Variants in SYT10 observed in about 807,000 individuals in gnomAD.
The protein encoded by SYT10 is synaptotagmin-10.
A neutral mutation model predicts 51.1 loss-of-function variants in SYT10; 31 were observed. That is an observed-to-expected ratio of 0.61 (90% CI 0.46 to 0.82). The LOEUF (loss-of-function observed/expected upper bound fraction) is 0.82, where lower values mean the gene tolerates loss of function less well. SYT10 is among the 40% of genes least tolerant of loss of function. SYT10 has a pLI of 0.00. For missense variants in SYT10, 603 were observed against 634.0 expected, an observed-to-expected ratio of 0.95 and a Z score of 0.53; for synonymous variants, 233 against 225.9, an observed-to-expected ratio of 1.03 and a Z score of -0.28.
rs1866429208 is a variant in SYT10, at chr12:33,413,810, C to T, written c.510-6454G>A. The stretch of plus-strand genomic sequence containing the variant: ...AAATAACCAGCTAACATCATAATGA[C>T]AGGATCAAATTCACACATAACAATA... On this transcript the variant is annotated intron_variant, in intron 2 of 6. Transcript: ENST00000228567. 2.0e-5 allele frequency among the ~76,000 whole-genome samples: 3 copies of T among 152,170 alleles called. No individual in the cohort carries two copies. The South Asian group carries it at 6.2e-4, about 31-fold the overall frequency.
chr12:33,391,450 AG>A (rs1412487563), intron 3 of SYT10, among the ~76,000 whole-genome samples: 1 of 152,064 alleles, frequency 6.6e-6, no homozygotes, highest in Non-Finnish European at 1.5e-5. Context: ...GGAGGCTGTG[AG>A]GGGAGGCTTA....
At chr12:33,398,505 T>A (rs1866276686) in intron 3 of SYT10, among the ~76,000 whole-genome samples, 1 of 151,990 alleles carries the variant, frequency 6.6e-6, no homozygotes, top group Non-Finnish European at 1.5e-5. Context: ...AGACCGAAAC[T>A]CTGTCTCAAA....
chr12:33,423,883 G>T (rs1313272615), intron 2 of SYT10: 8 of 452,648 alleles, frequency 1.8e-5, no homozygotes, highest in Non-Finnish European at 3.1e-5. Context: ...TAACTCACAT[G>T]TCATGGGGAT....
At chr12:33,380,615 T>A (rs1466534475) in intron 5 of SYT10, among the ~76,000 whole-genome samples, 4 of 152,186 alleles carry the variant, frequency 2.6e-5, no homozygotes, top group Non-Finnish European at 4.4e-5. Flanking sequence ...TATGTGCCAG[T>A]GTTCTAGGTA....
chr12:33,424,426 T>C (rs928780319), intron 2 of SYT10, among the ~76,000 whole-genome samples: 7 of 152,170 alleles, frequency 4.6e-5, no homozygotes, highest in Non-Finnish European at 8.8e-5. Context: ...GCTAAGCTAA[T>C]ATACATTCAC....
intron 2 of SYT10, among the ~76,000 whole-genome samples, chr12:33,423,162 C>T (rs567255950): frequency 3.9e-4 from 59 of 152,144 alleles, no homozygotes; most frequent in African/African-American, 1.4e-3. Context: ...AACTTCTAGG[C>T]CCATCAGGAT....
rs187247295 is a variant in SYT10, at chr12:33,439,315, C to T, written c.151+57G>A. The stretch of plus-strand genomic sequence containing the variant: ...AGGCGCAGAACCCCGGAGCTTGCAG[C>T]CTAGCGCGCGGGGTCCCAGCGGAGC... On this transcript the variant is annotated intron_variant, in intron 1 of 6. Coordinates refer to ENST00000228567, the MANE Select transcript of SYT10 (RefSeq NM_198992.4). The T allele has an allele frequency of 9.9e-3, 15,481 of 1,565,378 alleles. 104 individuals carry two copies. Among genetic ancestry groups the T allele is most frequent in the Non-Finnish European group, 0.012 (14,328 of 1,159,770 alleles).
At chr12:33,437,422 C>G (rs1866647024) in intron 1 of SYT10, among the ~76,000 whole-genome samples, 1 of 152,208 alleles carries the variant, frequency 6.6e-6, no homozygotes, top group African/African-American at 2.4e-5. Context: ...TTAGGAAAAA[C>G]TGAGAACTAT....
At chr12:33,405,127 T>G (rs1362639876) in intron 3 of SYT10, 2 of 152,278 alleles carry the variant, frequency 1.3e-5, no homozygotes, top group Admixed American at 6.5e-5. Context: ...CTTTACTTTT[T>G]TATAGAAATG....
intron 3 of SYT10, among the ~76,000 whole-genome samples, chr12:33,387,493 T>G (rs1251187221): frequency 2.0e-5 from 3 of 152,194 alleles, no homozygotes; most frequent in Middle Eastern, 3.2e-3. Context: ...TACAGCAGTG[T>G]CTTAGATATA....
At chr12:33,394,717 C>T (rs1866238815) in intron 3 of SYT10, among the ~76,000 whole-genome samples, 1 of 152,182 alleles carries the variant, frequency 6.6e-6, no homozygotes, top group Admixed American at 6.5e-5. Context: ...GTAACCATCC[C>T]AGGATTCTAA....
chr12:33,409,601 C>A (rs1339003976), intron 2 of SYT10, among the ~76,000 whole-genome samples: 3 of 151,880 alleles, frequency 2.0e-5, no homozygotes, highest in Non-Finnish European at 4.4e-5. Context: ...GCGAGCTCCG[C>A]CTCCCAGGTT....
intron 2 of SYT10, among the ~76,000 whole-genome samples, chr12:33,421,847 T>G (rs1005701759): frequency 8.5e-5 from 13 of 152,098 alleles, no homozygotes; most frequent in African/African-American, 2.9e-4. Context: ...GATCTTGTAG[T>G]ACATAAAAAC....
chr12:33,377,182 C>T (rs889948055), intron 6 of SYT10, among the ~76,000 whole-genome samples: 1 of 152,080 alleles, frequency 6.6e-6, no homozygotes, highest in African/African-American at 2.4e-5. Flanking sequence ...AATTTTACAA[C>T]AGGGTTTTAG....
At chr12:33,398,585 A>G (rs987551314) in intron 3 of SYT10, among the ~76,000 whole-genome samples, 1 of 152,170 alleles carries the variant, frequency 6.6e-6, no homozygotes, top group African/African-American at 2.4e-5. Context: ...AAAAAGAATT[A>G]AAGGAACTCT....
In SYT10 at chr12:33,435,414, T is replaced by C. The variant is rs370789555; in HGVS notation, c.151+3958A>G. 1.2e-4 allele frequency among the ~76,000 whole-genome samples: 18 copies of C among 152,292 alleles called. No homozygotes were observed. The South Asian group carries it at 3.5e-3, about 30-fold the overall frequency. Reference sequence around the variant, plus strand: ...TAAATCAGACCAAGCACAAGGTGTATTGATGATCATGTGACAATGAGACTA... The same window carrying C: ...TAAATCAGACCAAGCACAAGGTGTACTGATGATCATGTGACAATGAGACTA... On this transcript the variant is annotated intron_variant, in intron 1 of 6. Coordinates refer to ENST00000228567, the MANE Select transcript of SYT10 (RefSeq NM_198992.4).
chr12:33,406,931 C>T lies in SYT10; in HGVS notation c.935G>A (p.Arg312Gln), dbSNP rs752724042. The T allele has an allele frequency of 2.5e-6, 4 of 1,613,868 alleles. No individual in the cohort carries two copies. Among genetic ancestry groups the T allele is most frequent in the African/African-American group, 1.3e-5 (1 of 74,886 alleles). ...FPVAYDQLSN[R>Q]KLHFSVYDFD... Reference sequence around the variant, plus strand: ...ATCATACACACTGAAATGTAGTTTTCGGTTGCTTAGTTGATCATATGCTAC... The same window carrying T: ...ATCATACACACTGAAATGTAGTTTTTGGTTGCTTAGTTGATCATATGCTAC... The change falls in exon 3 of 7, where the codon CGA (arginine) becomes CAA (glutamine). Residue 312 changes from arginine to glutamine, a missense_variant. Arg to Gln is a conservative substitution (Grantham distance 43, BLOSUM62 1). Coordinates refer to ENST00000228567, the MANE Select transcript of SYT10 (RefSeq NM_198992.4).
chr12:33,419,717 G>A (rs1866484728), intron 2 of SYT10, among the ~76,000 whole-genome samples: 2 of 151,866 alleles, frequency 1.3e-5, no homozygotes, highest in African/African-American at 4.8e-5. Flanking sequence ...GAGATGATAA[G>A]CAATTGCTTT....
chr12:33,409,501 G>T (rs1342652124), intron 2 of SYT10, among the ~76,000 whole-genome samples: 1 of 148,284 alleles, frequency 6.7e-6, no homozygotes, highest in Non-Finnish European at 1.5e-5. Context: ...ACAGGCGTGA[G>T]AACATTGATT....
Sources: allele counts gnomAD v4.1 joint callset (sites outside exome capture counted in the v4.1 genomes callset), GRCh38; gene constraint gnomAD v4.1.1; transcripts MANE v1.5; gene names NCBI Gene and HGNC (gene_info 2026-07-23, HGNC 2026-07-21).